TUBGCP3: variants seen among roughly 807,000 people sequenced by gnomAD.
TUBGCP3 encodes the protein tubulin gamma complex component 3.
Under a neutral mutation model 123.1 loss-of-function variants are expected in TUBGCP3, and 50 were observed. That is an observed-to-expected ratio of 0.41 (90% CI 0.32 to 0.51). The LOEUF (loss-of-function observed/expected upper bound fraction) is 0.51. Among genes scored for constraint, TUBGCP3 ranks in the 20% least tolerant of loss-of-function variants. TUBGCP3 has a pLI of 0.36. For missense variants in TUBGCP3, 882 were observed against 1,127.0 expected (o/e 0.78, Z 3.11); for synonymous variants, 405 against 413.9 (o/e 0.98, Z 0.26).
At chr13:112,516,385 G>A (rs1876128675) in intron 17 of TUBGCP3, 55 bp downstream of exon 17, 1 of 1,469,910 alleles carries the variant, frequency 6.8e-7, no homozygotes, top group Non-Finnish European at 9.1e-7. Flanking sequence ...GCACCCAGTG[G>A]GGGCTGGAGG....
intron 17 of TUBGCP3, among the ~76,000 whole-genome samples, chr13:112,515,999 A>G (rs1876091860): frequency 1.3e-5 from 2 of 152,250 alleles, no homozygotes; most frequent in Admixed American, 6.5e-5. Context: ...AATTTTATAT[A>G]AAGACTTCAA....
chr13:112,583,345 G>A (rs903638842), intron 1 of TUBGCP3, among the ~76,000 whole-genome samples: 5 of 152,172 alleles, frequency 3.3e-5, no homozygotes, highest in African/African-American at 1.2e-4. Context: ...TCATCTTGAA[G>A]ACTACAAATA....
chr13:112,487,077 G>C (rs1462112072), intron 21 of TUBGCP3, among the ~76,000 whole-genome samples: 3 of 148,398 alleles, frequency 2.0e-5, no homozygotes, highest in Admixed American at 6.7e-5. Flanking sequence ...GTGTGTGTGT[G>C]TGTGTCTGTG....
chr13:112,555,368 CT>C (rs1006368460), intron 6 of TUBGCP3, among the ~76,000 whole-genome samples: 3 of 152,192 alleles, frequency 2.0e-5, no homozygotes, highest in African/African-American at 7.2e-5. Flanking sequence ...TGCTCCTCAC[CT>C]TTGCATTCTA....
intron 16 of TUBGCP3, among the ~76,000 whole-genome samples, chr13:112,517,326 G>C (rs1231906308): frequency 6.6e-6 from 1 of 152,186 alleles, no homozygotes; most frequent in East Asian, 1.9e-4. Flanking sequence ...CTAAAGTAGA[G>C]CTTTACAGAC....
chr13:112,504,563 T>TAC (rs1555337975), intron 18 of TUBGCP3, 63 bp downstream of exon 18: 249 of 1,069,762 alleles, frequency 2.3e-4, no homozygotes, highest in South Asian at 3.7e-4. Context: ...TATATATATA[T>TAC]ACCATGTAAA....
Position 112,558,175 on chromosome 13 carries a change from TAC to T in TUBGCP3, c.548+19_548+20del, listed in dbSNP as rs761447658. 1 of 1,601,270 alleles carries T rather than the reference TAC, an allele frequency of 6.2e-7. No homozygotes were observed. The highest frequency in any genetic ancestry group is 8.5e-7 in the Non-Finnish European group (1 of 1,172,964). ...CTGTTTCTAACACATAGAGAATCTA[TAC>T]ACGTCAGTGTGGCCTTACCCTGGGA... On this transcript the variant is annotated intron_variant, in intron 5 of 21. Transcript: ENST00000261965.
chr13:112,535,342 TTTAA>T (rs1327422697), intron 11 of TUBGCP3, among the ~76,000 whole-genome samples: 12 of 152,304 alleles, frequency 7.9e-5, no homozygotes, highest in Non-Finnish European at 1.3e-4. Context: ...TAAATCCATA[TTTAA>T]TTTTTTTAGA....
Position 112,558,452 on chromosome 13 carries a change from T to C in TUBGCP3, c.331-39A>G, listed in dbSNP as rs748086553. The C allele has an allele frequency of 2.7e-6, 4 of 1,476,104 alleles. No homozygotes were observed. In the South Asian group the frequency reaches 4.3e-5, roughly 16 times the overall value. The allele number at this position is 1,476,104 out of a possible 1,614,324, so 91.4% of individuals were successfully genotyped here. A position where few individuals can be genotyped will look rare whatever the true frequency, so the allele number is the denominator to read the frequency against. On this transcript the variant is annotated intron_variant, in intron 4 of 21. Transcript: ENST00000261965. The stretch of plus-strand genomic sequence containing the variant: ...CACACTAAGAGCAGAGACAGGAAAT[T>C]ACAGAACAGTCTTCCCAAACCTAAA...
chr13:112,521,225 G>C (rs751739254), intron 14 of TUBGCP3, among the ~76,000 whole-genome samples: 1 of 152,160 alleles, frequency 6.6e-6, no homozygotes, highest in Admixed American at 6.5e-5. Flanking sequence ...ATCACAACCA[G>C]CATTTACTGT....
At chr13:112,559,299 G>A (rs537018247) in intron 4 of TUBGCP3, 23 bp downstream of exon 4, 6 of 1,599,972 alleles carry the variant, frequency 3.8e-6, no homozygotes, top group East Asian at 2.3e-5. Flanking sequence ...CGGACACGAC[G>A]CTGCAAAGGC....
intron 1 of TUBGCP3, among the ~76,000 whole-genome samples, chr13:112,571,663 T>C (rs1376802688): frequency 1.3e-5 from 2 of 152,188 alleles, no homozygotes; most frequent in Non-Finnish European, 2.9e-5. Flanking sequence ...GGAATGAAAG[T>C]TGGCATCTTA....
intron 1 of TUBGCP3, chr13:112,583,927 C>T (rs1882436345): frequency 1.3e-5 from 2 of 152,444 alleles, no homozygotes; most frequent in South Asian, 2.1e-4. Context: ...GGATGCCAAG[C>T]TCCAACAGAC....
At chr13:112,560,005 G>A (rs1185146467) in intron 3 of TUBGCP3, among the ~76,000 whole-genome samples, 1 of 152,006 alleles carries the variant, frequency 6.6e-6, no homozygotes, top group Non-Finnish European at 1.5e-5. Flanking sequence ...GTGGTATCAC[G>A]CACCTGTAGT....
chr13:112,495,244 G>A (rs1465281585), intron 20 of TUBGCP3, among the ~76,000 whole-genome samples: 3 of 152,082 alleles, frequency 2.0e-5, no homozygotes, highest in Admixed American at 2.0e-4. Flanking sequence ...TTTGTACATG[G>A]CAAGAGACAG....
intron 3 of TUBGCP3, among the ~76,000 whole-genome samples, chr13:112,564,039 A>G (rs552221675): frequency 6.7e-6 from 1 of 149,772 alleles, no homozygotes; most frequent in African/African-American, 2.5e-5. Context: ...CAGTGTGTAG[A>G]AAATGGTTTT....
intron 11 of TUBGCP3, among the ~76,000 whole-genome samples, chr13:112,535,301 T>C (rs1311542051): frequency 1.3e-5 from 2 of 152,232 alleles, no homozygotes; most frequent in African/African-American, 2.4e-5. Context: ...TTTGGGTATA[T>C]ACCTAGGAGT....
Position 112,489,670 on chromosome 13 carries a change from C to T in TUBGCP3, c.2476G>A (p.Glu826Lys), listed in dbSNP as rs746699050. ...EGQWGVTAAE[E>K]EEENKRIGEF... is the part of the protein sequence containing the mutation. ...CCAATCCTCTTATTTTCCTCCTCTT[C>T]CTCTGCTGCCGTCACTCCCCACTGG... The change falls in exon 21 of 22, where the codon GAA becomes AAA. Residue 826 changes from glutamate (E) to lysine (K), a missense_variant. Coordinates refer to ENST00000261965, the MANE Select transcript of TUBGCP3 (RefSeq NM_006322.6). The T allele has an allele frequency of 5.0e-6, 8 of 1,614,072 alleles. No individual in the cohort carries two copies. The highest frequency in any genetic ancestry group is 5.9e-6 in the Non-Finnish European group (7 of 1,180,040).
intron 20 of TUBGCP3, among the ~76,000 whole-genome samples, chr13:112,494,676 T>C (rs911178903): frequency 2.0e-5 from 3 of 152,226 alleles, no homozygotes; most frequent in African/African-American, 7.2e-5. Flanking sequence ...GACTAATCCA[T>C]GTTCCCTCCG....
Sources: gnomAD v4.1 joint callset for allele counts (sites outside exome capture counted in the v4.1 genomes callset) on GRCh38, gnomAD v4.1.1 for gene constraint, MANE v1.5 for transcripts, NCBI Gene and HGNC (gene_info 2026-07-23, HGNC 2026-07-21) for gene names.